The following ATP8A1 variants were observed in gnomAD, a reference collection of about 807,000 sequenced individuals.
ATP8A1 encodes the protein phospholipid-transporting ATPase IA.
In ATP8A1, 90 loss-of-function variants were observed where a neutral mutation model predicts 177.7. The observed-to-expected ratio is 0.51, with a 90% confidence interval of 0.43 to 0.60. The LOEUF is 0.60. Ranked by LOEUF, ATP8A1 falls within the 20% of genes least tolerant of loss-of-function variation. The pLI is 0.00. For synonymous variants in ATP8A1, 493 were observed against 485.9 expected (o/e 1.01, Z -0.19); for missense variants, 1,072 against 1,392.8 (o/e 0.77, Z 3.67).
chr4:42,494,253 A>T (rs1357234755), intron 24 of ATP8A1, among the ~76,000 whole-genome samples: 1 of 150,642 alleles, frequency 6.6e-6, no homozygotes, highest in African/African-American at 2.4e-5. Flanking sequence ...CGGGTGGATC[A>T]CCTGAGGTCA....
chr4:42,581,295 G>A (rs551521838), intron 10 of ATP8A1, among the ~76,000 whole-genome samples: 32 of 152,140 alleles, frequency 2.1e-4, no homozygotes, highest in Admixed American at 5.9e-4. Context: ...TACCACGCCC[G>A]GCTAATTTTT....
At chr4:42,514,747 A>G (rs1725361165) in intron 22 of ATP8A1, among the ~76,000 whole-genome samples, 1 of 152,188 alleles carries the variant, frequency 6.6e-6, no homozygotes, top group Non-Finnish European at 1.5e-5. Context: ...ATTAAGACAG[A>G]ACAGGGATTT....
At chr4:42,587,285 C>G (rs560307237) in intron 8 of ATP8A1, among the ~76,000 whole-genome samples, 2 of 150,920 alleles carry the variant, frequency 1.3e-5, no homozygotes, top group African/African-American at 4.9e-5. Flanking sequence ...GTTGTGGGAG[C>G]TTGTTGTACA....
chr4:42,643,834 C>T (rs1320759000), intron 1 of ATP8A1, among the ~76,000 whole-genome samples: 1 of 152,192 alleles, frequency 6.6e-6, no homozygotes, highest in Non-Finnish European at 1.5e-5. Context: ...CAAGGCCGCA[C>T]AGCTTTGAAG....
chr4:42,516,395 C>A (rs1487710077), intron 22 of ATP8A1, among the ~76,000 whole-genome samples: 1 of 151,644 alleles, frequency 6.6e-6, no homozygotes, highest in Non-Finnish European at 1.5e-5. Context: ...GATAAGTTTC[C>A]ATTAAAAAAA....
At chr4:42,436,556 C>T (rs1716020017) in intron 33 of ATP8A1, among the ~76,000 whole-genome samples, 1 of 152,212 alleles carries the variant, frequency 6.6e-6, no homozygotes. Context: ...GCCTTTAGAA[C>T]AGTGAATGAA....
intron 16 of ATP8A1, among the ~76,000 whole-genome samples, chr4:42,555,212 C>CCCCA (rs1553903458): frequency 8.0e-6 from 1 of 124,248 alleles, no homozygotes; most frequent in Non-Finnish European, 1.8e-5. Flanking sequence ...TTAGTTCTGC[C>CCCCA]CCCCCCTAGA....
intron 22 of ATP8A1, among the ~76,000 whole-genome samples, chr4:42,520,836 C>T (rs890380147): frequency 6.6e-6 from 1 of 152,198 alleles, no homozygotes; most frequent in African/African-American, 2.4e-5. Context: ...CTTCCCCTTA[C>T]AAAATACAAA....
intron 27 of ATP8A1, chr4:42,459,386 A>T (rs1718840293): frequency 5.7e-6 from 1 of 175,462 alleles, no homozygotes; most frequent in African/African-American, 2.4e-5. Context: ...ATTTAGATTT[A>T]AAAAGCGACA....
intron 24 of ATP8A1, among the ~76,000 whole-genome samples, chr4:42,486,077 G>A (rs757574778): frequency 1.3e-5 from 2 of 152,074 alleles, no homozygotes; most frequent in Non-Finnish European, 2.9e-5. Context: ...GGGTACACTC[G>A]CCAGCAGTTT....
chr4:42,472,338 A>T, intron 25 of ATP8A1: 1 of 450,300 alleles, frequency 2.2e-6, no homozygotes, highest in Non-Finnish European at 4.3e-6. Flanking sequence ...AGCAGCTCAC[A>T]GGCGAGGATG....
At chr4:42,499,188 G>C (rs73235587) in intron 24 of ATP8A1, among the ~76,000 whole-genome samples, 20,179 of 152,182 alleles carry the variant, frequency 0.13, 1,690 homozygotes, top group East Asian at 0.26. Context: ...CAGAAGGAGA[G>C]GTGGCAGGGC....
chr4:42,543,380 G>A (rs1029253204), intron 20 of ATP8A1, among the ~76,000 whole-genome samples: 6 of 152,056 alleles, frequency 3.9e-5, no homozygotes, highest in Non-Finnish European at 2.9e-5. Flanking sequence ...ATTTTCCCAT[G>A]AGTATAAATA....
At chr4:42,509,294 C>T (rs12507521) in intron 22 of ATP8A1, among the ~76,000 whole-genome samples, 20,182 of 152,194 alleles carry the variant, frequency 0.13, 1,684 homozygotes, top group East Asian at 0.26. Context: ...TCCAAATACT[C>T]GGCCAGATAG....
intron 27 of ATP8A1, among the ~76,000 whole-genome samples, chr4:42,461,519 G>T (rs1719155569): frequency 6.6e-6 from 1 of 152,156 alleles, no homozygotes; most frequent in Non-Finnish European, 1.5e-5. Flanking sequence ...TGTAAGACGT[G>T]ACTTGTTCCT....
At chr4:42,529,703 G>A (rs945890783) in intron 20 of ATP8A1, among the ~76,000 whole-genome samples, 5 of 152,158 alleles carry the variant, frequency 3.3e-5, no homozygotes, top group East Asian at 1.9e-4. Context: ...GGTTCTGCAC[G>A]ATATGCAGGC....
At chr4:42,423,870 A>C (rs1262729336) in intron 33 of ATP8A1, among the ~76,000 whole-genome samples, 165 bp from the exon 34 acceptor site, 1 of 152,212 alleles carries the variant, frequency 6.6e-6, no homozygotes, top group Non-Finnish European at 1.5e-5. Context: ...TATCAAAATA[A>C]ATCTTTGAGC....
chr4:42,573,789 AGTGG>A (rs1732145683), intron 14 of ATP8A1, among the ~76,000 whole-genome samples: 1 of 152,164 alleles, frequency 6.6e-6, no homozygotes, highest in African/African-American at 2.4e-5. Flanking sequence ...AGTGGGGAAG[AGTGG>A]GTGCAAGCCA....
chr4:42,579,954 G>A lies in ATP8A1; in HGVS notation c.859C>T (p.Leu287Phe), dbSNP rs779555170. The change falls in exon 11 of 37, where the codon CTC (leucine) becomes TTC (phenylalanine). Residue 287 changes from leucine to phenylalanine, a missense_variant. Leu to Phe is a conservative substitution (Grantham distance 22, BLOSUM62 0). This residue lies in a region of ATP8A1 where 344 missense variants were observed against 393.5 expected (regional missense o/e 0.87). Coordinates refer to ENST00000381668, the MANE Select transcript of ATP8A1 (RefSeq NM_006095.2). ...MQNSTSPPLK[L>F]SNVERITNVQ... ...TTTGTAATCCGTTCCACATTTGAGAGCTTAAGTGGTGGACTTGTTGAATTC... is the reference window on the plus strand; with the variant it reads ...TTTGTAATCCGTTCCACATTTGAGAACTTAAGTGGTGGACTTGTTGAATTC... 6.2e-7 allele frequency: 1 copy of A among 1,607,052 alleles called. No homozygotes were observed.
Sources: allele counts gnomAD v4.1 joint callset (sites outside exome capture counted in the v4.1 genomes callset), GRCh38; gene constraint gnomAD v4.1.1; regional missense constraint gnomAD v4.1.1; transcripts MANE v1.5; gene names NCBI Gene and HGNC (gene_info 2026-07-23, HGNC 2026-07-21).